SAV1: variants seen among roughly 807,000 people sequenced by gnomAD.
The protein encoded by SAV1 is salvador family WW domain containing protein 1, also known as protein salvador homolog 1.
A neutral mutation model predicts 47.3 loss-of-function variants in SAV1; 23 were observed. The ratio of observed to expected loss-of-function variants is 0.49; its 90% CI spans 0.35 to 0.69. SAV1 has a LOEUF of 0.69. Ranked by LOEUF, SAV1 falls within the 30% of genes least tolerant of loss-of-function variation. The pLI, the probability that SAV1 is intolerant of heterozygous loss-of-function variation, is 0.01. For synonymous variants in SAV1, 155 were observed against 159.2 expected (o/e 0.97, Z 0.20); for missense variants, 448 against 457.4 (o/e 0.98, Z 0.19).
intron 3 of SAV1, among the ~76,000 whole-genome samples, chr14:50,642,960 T>C (rs761499103): frequency 6.6e-6 from 1 of 152,156 alleles, no homozygotes; most frequent in Non-Finnish European, 1.5e-5. Context: ...ACTCCTCCTA[T>C]CCCTAAGCCT....
At chr14:50,647,084 C>T (rs1244041702) in intron 2 of SAV1, among the ~76,000 whole-genome samples, 1 of 152,086 alleles carries the variant, frequency 6.6e-6, no homozygotes, top group Admixed American at 6.6e-5. Context: ...TGCCACCTTA[C>T]ATACAAATTA....
Position 50,640,754 on chromosome 14 carries a change from C to T in SAV1, c.946G>A (p.Val316Met). 1 of 1,612,272 alleles carries T rather than the reference C, an allele frequency of 6.2e-7. No individual in the cohort carries two copies. Among genetic ancestry groups the T allele is most frequent in the Non-Finnish European group, 8.5e-7 (1 of 1,178,982 alleles). The change falls in exon 4 of 5, where the codon GTG (valine) becomes ATG (methionine). Residue 316 changes from valine (V) to methionine (M), a missense_variant. Coordinates refer to ENST00000324679, the MANE Select transcript of SAV1 (RefSeq NM_021818.4). ...DWLQVYARAP[V>M]KYDHILKWEL... ...TTGTGTTGTAAATGTACTTACTTCA[C>T]AGGGGCTCGTGCGTAAACCTGAAGC...
rs1221605734 is a variant in SAV1, at chr14:50,667,797, C to A, written c.94+77G>T. The A allele has an allele frequency of 4.2e-6, 5 of 1,188,576 alleles. No individual in the cohort carries two copies. In the Admixed American group the frequency reaches 8.3e-5, roughly 20 times the overall value. The allele number at this position is 1,188,576 out of a possible 1,614,324, so 73.6% of individuals were successfully genotyped here. A position where few individuals can be genotyped will look rare whatever the true frequency, so the allele number is the denominator to read the frequency against. Reference sequence around the variant, plus strand: ...GGACGAAGGAGAAGCCCTGGAGACCCGCCGGCGCCCCCGCCAGGGTCCCCG... The same window carrying A: ...GGACGAAGGAGAAGCCCTGGAGACCAGCCGGCGCCCCCGCCAGGGTCCCCG... On this transcript the variant is annotated intron_variant, in intron 1 of 4. Coordinates refer to ENST00000324679, the MANE Select transcript of SAV1 (RefSeq NM_021818.4).
chr14:50,655,271 C>G (rs191569367), intron 2 of SAV1, among the ~76,000 whole-genome samples: 32 of 152,198 alleles, frequency 2.1e-4, no homozygotes, highest in Admixed American at 1.2e-3. Flanking sequence ...CAAAACCAAG[C>G]ATAACAATGT....
intron 2 of SAV1, among the ~76,000 whole-genome samples, chr14:50,652,312 G>A (rs2140256988): frequency 6.6e-6 from 1 of 152,306 alleles, no homozygotes; most frequent in South Asian, 2.1e-4. Flanking sequence ...AACTCATAAT[G>A]AATTTCTATT....
intron 2 of SAV1, among the ~76,000 whole-genome samples, chr14:50,661,893 A>G (rs772039343): frequency 5.9e-5 from 9 of 152,192 alleles, no homozygotes; most frequent in Non-Finnish European, 1.2e-4. Flanking sequence ...TTTCGAAGAC[A>G]GGTAGTGTGA....
At chr14:50,635,866 T>C (rs1173665846) in intron 4 of SAV1, among the ~76,000 whole-genome samples, 6 of 152,038 alleles carry the variant, frequency 3.9e-5, no homozygotes, top group African/African-American at 9.7e-5. Flanking sequence ...TGCGCCACCA[T>C]GCCCAGCTAC....
intron 2 of SAV1, among the ~76,000 whole-genome samples, chr14:50,651,639 A>T (rs2039770911): frequency 6.6e-6 from 1 of 152,074 alleles, no homozygotes; most frequent in Non-Finnish European, 1.5e-5. Flanking sequence ...ATTGTTATTT[A>T]TTTTTGAGAC....
At chr14:50,647,467 G>A (rs1412466319) in intron 2 of SAV1, among the ~76,000 whole-genome samples, 1 of 152,076 alleles carries the variant, frequency 6.6e-6, no homozygotes, top group Non-Finnish European at 1.5e-5. Context: ...TGAGTAGGAG[G>A]GTTACTTGAG....
Position 50,633,973 on chromosome 14 carries a change from T to C in SAV1, c.*1210A>G, listed in dbSNP as rs968961665. 3.1e-5 allele frequency: 6 copies of C among 195,318 alleles called. No homozygotes were observed. Among genetic ancestry groups the C allele is most frequent in the Admixed American group, 2.6e-4 (5 of 18,978 alleles). The allele number at this position is 195,318 out of a possible 1,614,324, so 12.1% of individuals were successfully genotyped here. A position where few individuals can be genotyped will look rare whatever the true frequency, so the allele number is the denominator to read the frequency against. On this transcript the variant is annotated 3_prime_UTR_variant, in exon 5 of 5. Coordinates refer to ENST00000324679, the MANE Select transcript of SAV1 (RefSeq NM_021818.4). ...GGGGAGAAAAACTGGGAGGGAAATA[T>C]ATGGTGTTAAAGTCCTGTGATAAAT... is the stretch of plus-strand genomic sequence containing the variant.
intron 2 of SAV1, among the ~76,000 whole-genome samples, chr14:50,658,076 A>C (rs1416657190): frequency 6.6e-6 from 1 of 152,242 alleles, no homozygotes; most frequent in Non-Finnish European, 1.5e-5. Context: ...AAAAGATCTA[A>C]GTATTAAACT....
intron 2 of SAV1, among the ~76,000 whole-genome samples, chr14:50,661,943 G>T (rs2039863676): frequency 6.6e-6 from 1 of 152,100 alleles, no homozygotes; most frequent in Non-Finnish European, 1.5e-5. Flanking sequence ...ATTACTTTGG[G>T]TATTTGGGCT....
intron 2 of SAV1, among the ~76,000 whole-genome samples, chr14:50,654,439 G>A (rs925140482): frequency 1.3e-5 from 2 of 152,152 alleles, no homozygotes; most frequent in East Asian, 1.9e-4. Flanking sequence ...ACATCATCAG[G>A]CTCCACTTCT....
intron 2 of SAV1, among the ~76,000 whole-genome samples, chr14:50,660,742 C>T (rs1028450522): frequency 6.6e-6 from 1 of 152,200 alleles, no homozygotes; most frequent in African/African-American, 2.4e-5. Flanking sequence ...ACCTACCTCT[C>T]TTTACCTCCC....
intron 2 of SAV1, among the ~76,000 whole-genome samples, chr14:50,656,147 C>A (rs896986130): frequency 1.3e-5 from 2 of 152,184 alleles, no homozygotes; most frequent in African/African-American, 4.8e-5. Context: ...ACTGAACTTG[C>A]CTAAATCTAG....
intron 3 of SAV1, among the ~76,000 whole-genome samples, chr14:50,641,974 G>C (rs891882904): frequency 4.6e-5 from 7 of 152,122 alleles, no homozygotes; most frequent in African/African-American, 1.7e-4. Flanking sequence ...CCCATCAATG[G>C]TGGGCTGGAT....
At chr14:50,667,516 G>A in intron 1 of SAV1, 1 of 471,672 alleles carries the variant, frequency 2.1e-6, no homozygotes, top group Non-Finnish European at 4.2e-6. Context: ...AGAGTAAAAA[G>A]TGTCCCTGTC....
intron 3 of SAV1, among the ~76,000 whole-genome samples, chr14:50,643,075 C>T (rs76196700): frequency 0.044 from 6,666 of 152,290 alleles, 143 homozygotes; most frequent in Middle Eastern, 0.051. Flanking sequence ...TAAGGATTGG[C>T]CTAAGATAGA....
chr14:50,642,006 C>T (rs1595636222), intron 3 of SAV1, among the ~76,000 whole-genome samples: 1 of 152,120 alleles, frequency 6.6e-6, no homozygotes, highest in African/African-American at 2.4e-5. Flanking sequence ...GGTATGCAGA[C>T]ACCATGGAAT....
Sources: allele counts gnomAD v4.1 joint callset (sites outside exome capture counted in the v4.1 genomes callset), GRCh38; gene constraint gnomAD v4.1.1; transcripts MANE v1.5; gene names NCBI Gene and HGNC (gene_info 2026-07-23, HGNC 2026-07-21).